CACNG4: variants seen among roughly 807,000 people sequenced by gnomAD.
CACNG4 encodes the protein voltage-dependent calcium channel gamma-4 subunit.
In CACNG4, 8 loss-of-function variants were observed where a neutral mutation model predicts 22.9. That is an observed-to-expected ratio of 0.35 (90% CI 0.21 to 0.63). CACNG4 has a LOEUF of 0.63. CACNG4 is among the 30% of genes least tolerant of loss of function. The probability of loss-of-function intolerance (pLI) is 0.72; values close to 1 mark genes in which losing one functional copy is unlikely to be tolerated. For synonymous variants in CACNG4, 188 were observed against 191.9 expected (o/e 0.98, Z 0.17); for missense variants, 357 against 455.4 (o/e 0.78, Z 1.97).
At chr17:66,991,187 A>C (rs551065520) in intron 1 of CACNG4, among the ~76,000 whole-genome samples, 2 of 152,108 alleles carry the variant, frequency 1.3e-5, no homozygotes, top group South Asian at 2.1e-4. Context: ...TGGAGTCAGA[A>C]GCCTCCCTGG....
chr17:66,991,223 T>C (rs1598109378), intron 1 of CACNG4, among the ~76,000 whole-genome samples: 1 of 152,022 alleles, frequency 6.6e-6, no homozygotes, highest in East Asian at 1.9e-4. Context: ...CGGCAGGTCC[T>C]ACCCATCTCA....
Position 67,030,418 on chromosome 17 carries a change from CCTCT to C in CACNG4, c.446-44_446-41del, listed in dbSNP as rs2035595815. ...CGTCCCACTGTGGGTCTAACCTCTG[CCTCT>C]CTCCCTCCCTGGCCCCGCTCCCCGC... On this transcript the variant is annotated intron_variant, in intron 3 of 3. Transcript: ENST00000262138. The surrounding 1 kb of genome is among the most constrained non-coding windows in gnomAD (Gnocchi z 6.4). 1 of 1,562,438 alleles carries C rather than the reference CCTCT, an allele frequency of 6.4e-7. No homozygotes were observed. The highest frequency in any genetic ancestry group is 1.2e-5 in the South Asian group (1 of 86,262).
At chr17:66,990,278 A>G (rs2035331232) in intron 1 of CACNG4, among the ~76,000 whole-genome samples, 1 of 152,206 alleles carries the variant, frequency 6.6e-6, no homozygotes, top group South Asian at 2.1e-4. Context: ...AACTACCCAC[A>G]GTCCTTGCCA....
chr17:66,981,873 ATTAC>A (rs1447171767), intron 1 of CACNG4, among the ~76,000 whole-genome samples: 1 of 152,222 alleles, frequency 6.6e-6, no homozygotes, highest in Non-Finnish European at 1.5e-5. Flanking sequence ...ACACTAGTTA[ATTAC>A]TTAACTATGA....
chr17:67,016,608 G>C (rs1041657487), intron 1 of CACNG4, among the ~76,000 whole-genome samples: 5 of 152,200 alleles, frequency 3.3e-5, no homozygotes, highest in African/African-American at 1.2e-4. Flanking sequence ...GGCAACAGGG[G>C]GCGCTTGCAG....
rs991207873 is a variant in CACNG4, at chr17:66,964,783, C to T, written c.-129C>T. 3.4e-3 allele frequency: 878 copies of T among 257,332 alleles called. 9 individuals carry two copies. Among genetic ancestry groups the T allele is most frequent in the African/African-American group, 0.02 (837 of 42,230 alleles). 15.9% of individuals were successfully genotyped at this position (257,332 alleles called of 1,614,324 possible). A position where few individuals can be genotyped will look rare whatever the true frequency, so the allele number is the denominator to read the frequency against. On this transcript the variant is annotated 5_prime_UTR_variant, in exon 1 of 4. Transcript: ENST00000262138. ...ACGCCCGGGGCGCGGGGTCGGAGCG[C>T]GCAGCGCGGCGCCGCCCCCCGGCCC...
rs545970810 is a variant in CACNG4, at chr17:66,977,756, A to G, written c.220+12625A>G. Among the ~76,000 whole-genome samples, 4 of 152,328 alleles carry G rather than the reference A, an allele frequency of 2.6e-5. No individual in the cohort carries two copies. In the East Asian group the frequency reaches 7.7e-4, roughly 29 times the overall value. ...AGGGCCAGGGGCTGCCTTGGAGAGC[A>G]GAATTACTTAAAACTGTGTCGTCCT... On this transcript the variant is annotated intron_variant, in intron 1 of 3. Coordinates refer to ENST00000262138, the MANE Select transcript of CACNG4 (RefSeq NM_014405.4).
chr17:66,971,557 G>C (rs1477664747), intron 1 of CACNG4, among the ~76,000 whole-genome samples: 2 of 152,188 alleles, frequency 1.3e-5, no homozygotes, highest in Admixed American at 1.3e-4. Context: ...GGCACTTCTA[G>C]GTGCAGATTT....
intron 1 of CACNG4, among the ~76,000 whole-genome samples, chr17:66,971,081 C>T (rs548285387): frequency 1.3e-5 from 2 of 152,308 alleles, no homozygotes; most frequent in South Asian, 4.1e-4. Flanking sequence ...CCTGGTGGGC[C>T]TCTGTCTCCT....
chr17:67,020,590 G>A (rs913744332), intron 2 of CACNG4, among the ~76,000 whole-genome samples: 1 of 152,202 alleles, frequency 6.6e-6, no homozygotes, highest in Admixed American at 6.5e-5. Flanking sequence ...TTTCCACTCG[G>A]TGGCTGCAGA....
chr17:67,004,190 C>T (rs1036009549), intron 1 of CACNG4, among the ~76,000 whole-genome samples: 1 of 152,214 alleles, frequency 6.6e-6, no homozygotes, highest in Non-Finnish European at 1.5e-5. Flanking sequence ...TTCATCCAAG[C>T]AGCAGTTATC....
intron 1 of CACNG4, among the ~76,000 whole-genome samples, chr17:67,008,506 T>A (rs2035450227): frequency 6.6e-6 from 1 of 151,704 alleles, no homozygotes; most frequent in African/African-American, 2.4e-5. Flanking sequence ...GAGCCTCGAG[T>A]TTGTCAGCAG....
chr17:67,030,905 C>T lies in CACNG4; in HGVS notation c.885C>T (p.Asp295=). 2.5e-6 allele frequency: 4 copies of T among 1,613,030 alleles called. No individual in the cohort carries two copies. The highest frequency in any genetic ancestry group is 3.4e-6 in the Non-Finnish European group (4 of 1,180,002). Residue 295 remains aspartate, a synonymous_variant, in exon 4 of 4, where the codon GAC becomes GAT. Coordinates refer to ENST00000262138, the MANE Select transcript of CACNG4 (RefSeq NM_014405.4). The surrounding 1 kb of genome is among the most constrained non-coding windows in gnomAD (Gnocchi z 6.4). Reference sequence around the variant, plus strand: ...CCACCGCAGCCAGCTACAGCCCCGACCAGGAGGCCAGCTTCCTGCAGGTGC... The same window carrying T: ...CCACCGCAGCCAGCTACAGCCCCGATCAGGAGGCCAGCTTCCTGCAGGTGC... The part of the protein sequence containing the change: ...KVTTAASYSP[D]QEASFLQVHD...
intron 1 of CACNG4, among the ~76,000 whole-genome samples, chr17:66,996,502 C>T (rs1258008679): frequency 6.6e-6 from 1 of 151,946 alleles, no homozygotes; most frequent in African/African-American, 2.4e-5. Flanking sequence ...ACCTCGGCCT[C>T]CCCAGTAGCT....
intron 1 of CACNG4, among the ~76,000 whole-genome samples, chr17:66,970,136 C>T (rs1598099401): frequency 6.6e-6 from 1 of 152,158 alleles, no homozygotes; most frequent in East Asian, 1.9e-4. Flanking sequence ...TAATTATTTG[C>T]CTTTTATAGT....
At chr17:67,007,429 A>G (rs2035444293) in intron 1 of CACNG4, among the ~76,000 whole-genome samples, 1 of 152,210 alleles carries the variant, frequency 6.6e-6, no homozygotes, top group Non-Finnish European at 1.5e-5. Flanking sequence ...GTTGAAAACC[A>G]TATACTCACA....
intron 1 of CACNG4, among the ~76,000 whole-genome samples, chr17:66,969,859 G>A (rs1567748430): frequency 6.6e-6 from 1 of 152,134 alleles, no homozygotes; most frequent in Non-Finnish European, 1.5e-5. Flanking sequence ...TCCAGGCCTG[G>A]TGCTGGGCTT....
chr17:67,004,661 T>C (rs1260586766), intron 1 of CACNG4, among the ~76,000 whole-genome samples: 7 of 152,140 alleles, frequency 4.6e-5, no homozygotes, highest in Non-Finnish European at 8.8e-5. Flanking sequence ...GTACAGCTGG[T>C]TGGGGGTTAG....
At position 67,031,038 on chromosome 17, in the gene CACNG4, C is replaced by CAAAAG; in HGVS notation, c.*34_*35insAAAAG. 1.3e-6 allele frequency: 2 copies of CAAAAG among 1,577,428 alleles called. No individual in the cohort carries two copies. Among genetic ancestry groups the CAAAAG allele is most frequent in the Non-Finnish European group, 1.7e-6 (2 of 1,161,278 alleles). On this transcript the variant is annotated 3_prime_UTR_variant, in exon 4 of 4. Coordinates refer to ENST00000262138, the MANE Select transcript of CACNG4 (RefSeq NM_014405.4). The surrounding 1 kb of genome is among the most constrained non-coding windows in gnomAD (Gnocchi z 4.0). ...CCCTTTCTCTCCGCTCCAGCCTCTC[C>CAAAAG]CCAGAACGGCTCTTTTTGTCACACA...
Sources: allele counts gnomAD v4.1 joint callset (sites outside exome capture counted in the v4.1 genomes callset), GRCh38; gene constraint gnomAD v4.1.1; non-coding constraint Gnocchi (gnomAD v3.1); transcripts MANE v1.5; gene names NCBI Gene and HGNC (gene_info 2026-07-23, HGNC 2026-07-21).